Variants in RAB33A observed in about 807,000 individuals in gnomAD.
The protein encoded by RAB33A is RAB33A, member RAS oncogene family, also known as ras-related protein Rab-33A.
In RAB33A, 6 loss-of-function variants were observed where a neutral mutation model predicts 12.0. That is an observed-to-expected ratio of 0.50 (90% CI 0.27 to 0.99). The LOEUF (loss-of-function observed/expected upper bound fraction) is 0.99. Ranked by LOEUF, RAB33A falls within the 50% of genes least tolerant of loss-of-function variation. The pLI, the probability that RAB33A is intolerant of heterozygous loss-of-function variation, is 0.11. For missense variants in RAB33A, 109 were observed against 192.0 expected, an observed-to-expected ratio of 0.57 and a Z score of 2.55; for synonymous variants, 70 against 82.4, an observed-to-expected ratio of 0.85 and a Z score of 0.81.
At chrX:130,166,228 G>T in the RAB33A span, among the ~76,000 whole-genome samples, 1 of 111,863 alleles carries the variant, frequency 8.9e-6, no homozygotes, top group Non-Finnish European at 1.9e-5. Context: ...ATGAGTCCGA[G>T]GCGCGGAACC....
chrX:130,115,097 C>G, the RAB33A span, among the ~76,000 whole-genome samples: 2 of 111,619 alleles, frequency 1.8e-5, no homozygotes, highest in South Asian at 7.5e-4. Context: ...AGCCGCCATG[C>G]CTGGCCTTTA....
At chrX:130,169,355 G>A (rs2031581168), upstream of RAB33A, among the ~76,000 whole-genome samples, 1 of 111,099 alleles carries the variant, frequency 9.0e-6, no homozygotes, top group Non-Finnish European at 1.9e-5. Context: ...AATTATATCT[G>A]ATGGCAAAAG....
At chrX:130,131,849 C>G in the RAB33A span, 1 of 1,193,110 alleles carries the variant, frequency 8.4e-7, no homozygotes, top group African/African-American at 1.7e-5. Flanking sequence ...AGGAATGACA[C>G]GGTAGCACAT....
At chrX:130,168,092 A>T (rs767181010), upstream of RAB33A, among the ~76,000 whole-genome samples, 5 of 108,410 alleles carry the variant, frequency 4.6e-5, no homozygotes, top group Admixed American at 4.9e-4. Flanking sequence ...TGGGAGGATC[A>T]CTTGAGCCTA....
upstream of RAB33A, among the ~76,000 whole-genome samples, chrX:130,167,780 G>A (rs571911196): frequency 2.7e-5 from 3 of 110,995 alleles, no homozygotes; most frequent in South Asian, 7.5e-4. Context: ...ATAAAGACAG[G>A]CAAGTATGGT....
upstream of RAB33A, among the ~76,000 whole-genome samples, chrX:130,167,850 T>C (rs954810042): frequency 4.0e-5 from 4 of 99,433 alleles, no homozygotes; most frequent in African/African-American, 1.5e-4. Flanking sequence ...ATGAAGTTAC[T>C]TTTTTTTTTT....
chrX:130,148,915 TAAGAGAC>T, the RAB33A span, among the ~76,000 whole-genome samples: 81 of 92,461 alleles, frequency 8.8e-4, no homozygotes, highest in African/African-American at 3.3e-3. Flanking sequence ...GCTTGCCTTT[TAAGAGAC>T]TTTTTTTTTT....
the RAB33A span, chrX:130,129,819 A>C: frequency 1.2e-6 from 1 of 825,268 alleles, no homozygotes; most frequent in Non-Finnish European, 1.8e-6. Flanking sequence ...GTGAAAAAGA[A>C]TGTTCCTGAG....
chrX:130,117,117 A>G, the RAB33A span, among the ~76,000 whole-genome samples: 7 of 112,096 alleles, frequency 6.2e-5, no homozygotes, highest in South Asian at 3.7e-4. Flanking sequence ...GGGAGGCTGA[A>G]GCAGGAGAAT....
the RAB33A span, among the ~76,000 whole-genome samples, chrX:130,141,558 C>T: frequency 1.5e-4 from 17 of 112,043 alleles, no homozygotes; most frequent in African/African-American, 4.5e-4. Flanking sequence ...CGTTCCCCCA[C>T]ACTCCACATC....
the RAB33A span, chrX:130,131,605 C>T: frequency 1.7e-6 from 2 of 1,188,181 alleles, no homozygotes; most frequent in African/African-American, 3.5e-5. Context: ...AATACAGAAA[C>T]CCCTTGTTCA....
At chrX:130,136,165 C>G in the RAB33A span, 1 of 1,212,066 alleles carries the variant, frequency 8.3e-7, no homozygotes, top group Non-Finnish European at 1.1e-6. Flanking sequence ...CCACAGCTGC[C>G]ACTATGTGGT....
chrX:130,177,512 A>G (rs767521208), intron 1 of RAB33A, among the ~76,000 whole-genome samples: 1 of 111,600 alleles, frequency 9.0e-6, no homozygotes, highest in Non-Finnish European at 1.9e-5. Context: ...CTGCCTTTCC[A>G]ACAGTGCTTG....
At chrX:130,172,373 C>T in intron 1 of RAB33A, 53 bp downstream of exon 1, 2 of 1,153,248 alleles carry the variant, frequency 1.7e-6, no homozygotes, top group South Asian at 2.0e-5. Context: ...GGGACCTCGC[C>T]CGAGGCATAG....
the RAB33A span, among the ~76,000 whole-genome samples, chrX:130,133,864 T>C: frequency 9.2e-6 from 1 of 108,461 alleles, no homozygotes; most frequent in Non-Finnish European, 1.9e-5. Flanking sequence ...ACTCCTGGGC[T>C]CAAGCAATGT....
chrX:130,129,364 T>G, the RAB33A span: 1 of 456,795 alleles, frequency 2.2e-6, no homozygotes, highest in Non-Finnish European at 3.9e-6. Flanking sequence ...GAACAGAATT[T>G]AATTTAGAAG....
chrX:130,164,570 A>T, the RAB33A span, among the ~76,000 whole-genome samples: 1 of 112,321 alleles, frequency 8.9e-6, no homozygotes, highest in Non-Finnish European at 1.9e-5. Flanking sequence ...CAACTCCTAC[A>T]GGTGGATCAT....
the RAB33A span, chrX:130,149,444 T>C: frequency 3.5e-6 from 4 of 1,155,932 alleles, no homozygotes; most frequent in African/African-American, 1.8e-5. Flanking sequence ...TCTCAAATCA[T>C]AGCAAGACTT....
chrX:130,129,947 T>C, the RAB33A span: 2 of 1,209,476 alleles, frequency 1.7e-6, no homozygotes, highest in Non-Finnish European at 2.2e-6. Context: ...CATCTTCCTC[T>C]AAGAGTTATG....
Sources: gnomAD v4.1 joint callset for allele counts (sites outside exome capture counted in the v4.1 genomes callset) on GRCh38, gnomAD v4.1.1 for gene constraint, MANE v1.5 for transcripts, NCBI Gene and HGNC (gene_info 2026-07-23, HGNC 2026-07-21) for gene names.